AMPD3: variants seen among roughly 807,000 people sequenced by gnomAD.
AMPD3 encodes adenosine monophosphate deaminase 3.
AMPD3 carries 57 observed loss-of-function variants against 82.3 expected under a neutral mutation model. The observed-to-expected ratio is 0.69, with a 90% CI of 0.56 to 0.86. AMPD3 has a LOEUF of 0.86. AMPD3 is among the 40% of genes least tolerant of loss of function. The pLI is 0.00. For missense variants in AMPD3, 870 were observed against 1,003.8 expected (o/e 0.87, Z 1.80); for synonymous variants, 381 against 394.7 (o/e 0.97, Z 0.41).
upstream of AMPD3, chr11:10,450,791 G>A: frequency 4.3e-6 from 5 of 1,174,246 alleles, no homozygotes; most frequent in Non-Finnish European, 5.3e-6. Context: ...GGCTGCACGC[G>A]GCTGGCCGGC....
At chr11:10,467,582 G>A (rs1211688423) in intron 2 of AMPD3, among the ~76,000 whole-genome samples, 1 of 152,192 alleles carries the variant, frequency 6.6e-6, no homozygotes, top group African/African-American at 2.4e-5. Flanking sequence ...GAAACAAGTG[G>A]AAAACACTCT....
chr11:10,499,820 C>A, intron 10 of AMPD3: 1 of 985,432 alleles, frequency 1.0e-6, no homozygotes. Context: ...CCTCCACTGT[C>A]ACCACCACCA....
At chr11:10,468,440 G>C (rs1848486851) in intron 2 of AMPD3, among the ~76,000 whole-genome samples, 1 of 152,068 alleles carries the variant, frequency 6.6e-6, no homozygotes. Flanking sequence ...TTACATAATG[G>C]TAAAGGGATC....
At chr11:10,464,657 C>T (rs1202580423) in intron 2 of AMPD3, among the ~76,000 whole-genome samples, 1 of 152,200 alleles carries the variant, frequency 6.6e-6, no homozygotes, top group Non-Finnish European at 1.5e-5. Flanking sequence ...GCCCCAGCAT[C>T]CTCCTCTGGG....
intron 13 of AMPD3, among the ~76,000 whole-genome samples, chr11:10,503,606 TAAG>T (rs1216552333): frequency 6.6e-6 from 1 of 152,204 alleles, no homozygotes. Context: ...TAGAAATGAA[TAAG>T]AAATTTTAAA....
chr11:10,473,032 A>G (rs1453977942), intron 2 of AMPD3, among the ~76,000 whole-genome samples: 15 of 150,856 alleles, frequency 9.9e-5, no homozygotes, highest in Admixed American at 5.9e-4. Context: ...GAGATTGGGA[A>G]GCCGAGGTGG....
intron 4 of AMPD3, chr11:10,484,324 A>G: frequency 3.0e-6 from 3 of 985,296 alleles, no homozygotes. Context: ...TCCTTTGGGG[A>G]GGGAGTGGCT....
Position 10,488,280 on chromosome 11 carries a change from A to C in AMPD3, c.939+916A>C, listed in dbSNP as rs950421483. The stretch of plus-strand genomic sequence containing the variant: ...GTGAGGCACAGGGTCAGTGCTAGGC[A>C]GGGGGTGTTTGATGGTGAGCAAGAG... On this transcript the variant is annotated intron_variant, in intron 6 of 14. Transcript: ENST00000396553. 9 of 985,314 alleles carry C rather than the reference A, an allele frequency of 9.1e-6. No individual in the cohort carries two copies. The African/African-American group carries it at 1.6e-4, about 17-fold the overall frequency. 61.0% of individuals were successfully genotyped at this position (985,314 alleles called of 1,614,324 possible).
rs1849614193 is a variant in AMPD3 at position 10,502,744 on chromosome 11, C to T, written c.1866C>T (p.Tyr622=). The change falls in exon 13 of 15, where the codon TAC becomes TAT. Residue 622 remains tyrosine, a synonymous_variant. Coordinates refer to ENST00000396553, the MANE Select transcript of AMPD3 (RefSeq NM_001025389.2). Reference sequence around the variant, plus strand: ...AGAGTCCGGTATTGCAGTATCTCTACTACCTTGCTCAGATCCCCATTGCCA... The same window carrying T: ...AGAGTCCGGTATTGCAGTATCTCTATTACCTTGCTCAGATCCCCATTGCCA... The part of the protein sequence containing the change: ...LKKSPVLQYL[Y]YLAQIPIAMS... 6.2e-7 allele frequency: 1 copy of T among 1,614,232 alleles called. No homozygotes were observed. Among genetic ancestry groups the T allele is most frequent in the African/African-American group, 1.3e-5 (1 of 75,058 alleles).
rs899873150 is a variant in AMPD3 at position 10,456,262 on chromosome 11, T to G, written c.-6+814T>G. On this transcript the variant is annotated intron_variant, in intron 1 of 14. Coordinates refer to ENST00000396553, the MANE Select transcript of AMPD3 (RefSeq NM_001025389.2). This position sits in a 1 kb window ranked among gnomAD's most constrained non-coding sequence, Gnocchi z 4.3. ...CTCACAGATATGCAAAACAGAGACC[T>G]CCTACTCCAGCCGGCAGACAGGACC... 6.4e-7 allele frequency: 1 copy of G among 1,559,164 alleles called. No homozygotes were observed. Among genetic ancestry groups the G allele is most frequent in the African/African-American group, 1.4e-5 (1 of 73,590 alleles).
chr11:10,484,333 C>T (rs984498742), intron 4 of AMPD3: 2 of 985,238 alleles, frequency 2.0e-6, no homozygotes, highest in African/African-American at 3.5e-5. Flanking sequence ...GAGGGAGTGG[C>T]TTCTTTATCT....
rs545549371 is a variant in AMPD3, at chr11:10,486,953, C to G, written c.810-282C>G. On this transcript the variant is annotated intron_variant, in intron 5 of 14. Coordinates refer to ENST00000396553, the MANE Select transcript of AMPD3 (RefSeq NM_001025389.2). Reference sequence around the variant, plus strand: ...TTTACTCATGGGAAATGGAGGCTTGCGGTTAATTCCCTAAACACATAAACA... The same window carrying G: ...TTTACTCATGGGAAATGGAGGCTTGGGGTTAATTCCCTAAACACATAAACA... 4.1e-6 allele frequency: 4 copies of G among 985,260 alleles called. No homozygotes were observed. In the African/African-American group the frequency reaches 5.2e-5, roughly 13 times the overall value. The allele number at this position is 985,260 out of a possible 1,614,324, so 61.0% of individuals were successfully genotyped here. A position where few individuals can be genotyped will look rare whatever the true frequency, so the allele number is the denominator to read the frequency against.
chr11:10,501,691 G>T (rs1452635589), intron 12 of AMPD3, 101 bp downstream of exon 12: 1 of 1,599,902 alleles, frequency 6.3e-7, no homozygotes, highest in Non-Finnish European at 8.5e-7. Context: ...CCTCTTCTGG[G>T]CTGGGATGTC....
chr11:10,493,561 C>T lies in AMPD3; in HGVS notation c.1134+18C>T. 1.2e-6 allele frequency: 2 copies of T among 1,612,310 alleles called. No homozygotes were observed. The highest frequency in any genetic ancestry group is 1.7e-6 in the Non-Finnish European group (2 of 1,179,198). ...TCCACGCGGTGAGTGAGCTTCTGCT[C>T]CAGTGCCGCCAGCAGACAGCAGCCC... On this transcript the variant is annotated intron_variant, in intron 7 of 14. Coordinates refer to ENST00000396553, the MANE Select transcript of AMPD3 (RefSeq NM_001025389.2).
At chr11:10,462,811 C>T (rs1014996781) in intron 2 of AMPD3, among the ~76,000 whole-genome samples, 5 of 152,270 alleles carry the variant, frequency 3.3e-5, no homozygotes, top group Admixed American at 6.5e-5. Flanking sequence ...GACATCTTAG[C>T]GGATGCTTCA....
intron 2 of AMPD3, among the ~76,000 whole-genome samples, chr11:10,476,376 C>A (rs1190203368): frequency 6.6e-6 from 1 of 152,142 alleles, no homozygotes; most frequent in Non-Finnish European, 1.5e-5. Flanking sequence ...TTTGTGGGTA[C>A]TAGCTTCCTC....
rs1439152637 is a variant in AMPD3, at chr11:10,481,945, T to C, written c.427-118T>C. 4.8e-6 allele frequency: 6 copies of C among 1,246,946 alleles called. No homozygotes were observed. In the African/African-American group the frequency reaches 8.9e-5, roughly 18 times the overall value. 77.2% of individuals were successfully genotyped at this position (1,246,946 alleles called of 1,614,324 possible). A position where few individuals can be genotyped will look rare whatever the true frequency, so the allele number is the denominator to read the frequency against. ...ATTGGTCAAGGAGTGGTGAGAACCC[T>C]CCTGAAATCTAGGTTCCCAGATACC... On this transcript the variant is annotated intron_variant, in intron 3 of 14. Transcript: ENST00000396553.
intron 11 of AMPD3, chr11:10,500,873 G>A (rs1268374896): frequency 2.0e-6 from 2 of 985,296 alleles, no homozygotes; most frequent in Non-Finnish European, 2.4e-6. Flanking sequence ...TTCCCTACAA[G>A]TCTTGCATCC....
intron 1 of AMPD3, among the ~76,000 whole-genome samples, chr11:10,457,737 A>C (rs552550632): frequency 6.6e-6 from 1 of 152,254 alleles, no homozygotes; most frequent in African/African-American, 2.4e-5. Flanking sequence ...TCTACTAAAA[A>C]TACAAAAATT....
Sources: gnomAD v4.1 joint callset for allele counts (sites outside exome capture counted in the v4.1 genomes callset) on GRCh38, gnomAD v4.1.1 for gene constraint, Gnocchi (gnomAD v3.1) non-coding constraint, MANE v1.5 for transcripts, NCBI Gene and HGNC (gene_info 2026-07-23, HGNC 2026-07-21) for gene names.